Variants in SUGCT observed in about 807,000 individuals in gnomAD.
SUGCT encodes the protein succinyl-CoA:glutarate CoA-transferase.
SUGCT carries 41 observed loss-of-function variants against 55.0 expected under a neutral mutation model. The observed-to-expected ratio is 0.74, with a 90% CI of 0.58 to 0.97. The LOEUF (loss-of-function observed/expected upper bound fraction) is 0.97. Among genes scored for constraint, SUGCT ranks in the 50% least tolerant of loss-of-function variants. The pLI is 0.00. For missense variants in SUGCT, 568 were observed against 547.8 expected, an observed-to-expected ratio of 1.04 and a Z score of -0.37; for synonymous variants, 187 against 200.4, an observed-to-expected ratio of 0.93 and a Z score of 0.56.
At chr7:40,545,564 G>A (rs1794942999) in intron 12 of SUGCT, among the ~76,000 whole-genome samples, 1 of 152,082 alleles carries the variant, frequency 6.6e-6, no homozygotes, top group Non-Finnish European at 1.5e-5. Flanking sequence ...GAAAGCTTCC[G>A]GACATTAACG....
the SUGCT span, among the ~76,000 whole-genome samples, chr7:41,009,409 A>T: frequency 0.012 from 1,892 of 152,314 alleles, 23 homozygotes; most frequent in Middle Eastern, 0.034. Flanking sequence ...TCATAGGCCT[A>T]GTGCCACGGG....
At chr7:40,390,111 A>G (rs1785342221) in intron 9 of SUGCT, among the ~76,000 whole-genome samples, 1 of 152,206 alleles carries the variant, frequency 6.6e-6, no homozygotes, top group South Asian at 2.1e-4. Context: ...CTCTCAATAA[A>G]GTAGGTATTG....
intron 9 of SUGCT, among the ~76,000 whole-genome samples, chr7:40,370,527 C>A (rs1165839748): frequency 6.7e-6 from 1 of 149,798 alleles, no homozygotes; most frequent in Non-Finnish European, 1.5e-5. Flanking sequence ...TGCAGAGATT[C>A]TTTTCATGAT....
intron 12 of SUGCT, among the ~76,000 whole-genome samples, chr7:40,705,070 T>A (rs1392302840): frequency 6.6e-6 from 1 of 152,252 alleles, no homozygotes; most frequent in Non-Finnish European, 1.5e-5. Flanking sequence ...TATAGTCGTT[T>A]ATCAGTTCTT....
chr7:40,866,227 A>C, the SUGCT span, among the ~76,000 whole-genome samples: 1 of 152,072 alleles, frequency 6.6e-6, no homozygotes, highest in African/African-American at 2.4e-5. Flanking sequence ...TTGTGAACCC[A>C]CTAGAATTTG....
chr7:40,779,787 T>A (rs558641784), intron 13 of SUGCT, among the ~76,000 whole-genome samples: 1 of 152,330 alleles, frequency 6.6e-6, no homozygotes, highest in African/African-American at 2.4e-5. Context: ...TCAAAAGGAA[T>A]GTCACCTATG....
intron 1 of SUGCT, among the ~76,000 whole-genome samples, chr7:40,162,240 T>C (rs1404998528): frequency 6.6e-6 from 1 of 152,180 alleles, no homozygotes; most frequent in Non-Finnish European, 1.5e-5. Flanking sequence ...AGGAATTATT[T>C]GCATATTTTA....
chr7:40,229,502 G>T (rs1293731086), intron 6 of SUGCT, among the ~76,000 whole-genome samples: 1 of 146,968 alleles, frequency 6.8e-6, no homozygotes, highest in Non-Finnish European at 1.5e-5. Context: ...CTGGGCAATA[G>T]AGTGAGACCC....
chr7:40,388,590 A>G (rs1056377331), intron 9 of SUGCT, among the ~76,000 whole-genome samples: 1 of 151,860 alleles, frequency 6.6e-6, no homozygotes, highest in African/African-American at 2.4e-5. Flanking sequence ...TCATTTTTGC[A>G]TTTTTAGTAG....
intron 1 of SUGCT, among the ~76,000 whole-genome samples, chr7:40,163,837 T>TC (rs1393564624): frequency 6.6e-6 from 1 of 151,884 alleles, no homozygotes; most frequent in Non-Finnish European, 1.5e-5. Context: ...TTTTTTTTTT[T>TC]TTTAGACAGA....
At chr7:40,804,520 T>C (rs563651637) in intron 13 of SUGCT, among the ~76,000 whole-genome samples, 4 of 152,072 alleles carry the variant, frequency 2.6e-5, no homozygotes, top group Admixed American at 2.6e-4. Context: ...AGTGAGGTCA[T>C]CTACCTTTGT....
intron 11 of SUGCT, among the ~76,000 whole-genome samples, chr7:40,469,653 T>C (rs1397782454): frequency 2.6e-5 from 4 of 152,048 alleles, no homozygotes; most frequent in Non-Finnish European, 5.9e-5. Flanking sequence ...GAGAATTCTT[T>C]GTGACTGAGA....
At chr7:40,930,024 G>A in the SUGCT span, among the ~76,000 whole-genome samples, 3 of 152,074 alleles carry the variant, frequency 2.0e-5, no homozygotes, top group Admixed American at 1.3e-4. Flanking sequence ...GTATTGCCTA[G>A]GTTTTCTTCT....
At chr7:40,337,865 A>C (rs145999095) in intron 9 of SUGCT, among the ~76,000 whole-genome samples, 2,499 of 152,038 alleles carry the variant, frequency 0.016, 44 homozygotes, top group African/African-American at 0.051. Flanking sequence ...ACAATTTGGC[A>C]TGTTTTTGCA....
At chr7:40,780,801 C>G (rs1000654863) in intron 13 of SUGCT, among the ~76,000 whole-genome samples, 9 of 133,960 alleles carry the variant, frequency 6.7e-5, no homozygotes, top group Non-Finnish European at 1.1e-4. Context: ...AATTTTGTTG[C>G]CTTTAACAAA....
intron 11 of SUGCT, among the ~76,000 whole-genome samples, chr7:40,485,941 T>C (rs551863327): frequency 7.9e-5 from 12 of 152,322 alleles, no homozygotes; most frequent in South Asian, 6.2e-4. Context: ...GACTTTTGCA[T>C]CTATGGTCAT....
At chr7:40,167,142 G>A (rs1210019079) in intron 1 of SUGCT, among the ~76,000 whole-genome samples, 2 of 152,096 alleles carry the variant, frequency 1.3e-5, no homozygotes, top group Admixed American at 6.6e-5. Context: ...TTCAGTGTCC[G>A]TCAACAGCTG....
At chr7:40,301,250 A>C (rs535367212) in intron 8 of SUGCT, among the ~76,000 whole-genome samples, 1 of 152,342 alleles carries the variant, frequency 6.6e-6, no homozygotes, top group South Asian at 2.1e-4. Context: ...TGAAGTAATA[A>C]GTATTTGCTG....
the SUGCT span, among the ~76,000 whole-genome samples, chr7:40,970,348 T>C: frequency 2.0e-5 from 3 of 152,138 alleles, no homozygotes; most frequent in African/African-American, 7.2e-5. Context: ...ATTTTTGTGT[T>C]TTTTGTAGAG....
Sources: allele counts gnomAD v4.1 joint callset (sites outside exome capture counted in the v4.1 genomes callset), GRCh38; gene constraint gnomAD v4.1.1; transcripts MANE v1.5; gene names NCBI Gene and HGNC (gene_info 2026-07-23, HGNC 2026-07-21).